The following PYGO1 variants were observed in gnomAD, a reference collection of about 807,000 sequenced individuals.
The protein encoded by PYGO1 is pygopus homolog 1.
In PYGO1, 6 loss-of-function variants were observed where a neutral mutation model predicts 29.5. That is an observed-to-expected ratio of 0.20 (90% CI 0.11 to 0.40). The LOEUF is 0.40. Ranked by LOEUF, PYGO1 falls within the 10% of genes least tolerant of loss-of-function variation. The probability of loss-of-function intolerance (pLI) is 1.00; values close to 1 mark genes in which losing one functional copy is unlikely to be tolerated. For missense variants in PYGO1, 515 were observed against 514.9 expected (o/e 1.00, Z 0.00); for synonymous variants, 186 against 180.5 (o/e 1.03, Z -0.24).
At chr15:55,554,522 T>C (rs571323902) in intron 1 of PYGO1, among the ~76,000 whole-genome samples, 3 of 148,552 alleles carry the variant, frequency 2.0e-5, no homozygotes, top group African/African-American at 7.4e-5. Flanking sequence ...GAGGCTGAGA[T>C]TGGCTGAACT....
Position 55,551,695 on chromosome 15 carries a change from T to G in PYGO1, c.50-2700A>C, listed in dbSNP as rs573286185. On this transcript the variant is annotated intron_variant, in intron 1 of 2. Coordinates refer to ENST00000563719, the MANE Select transcript of PYGO1 (RefSeq NM_001367806.1). ...GGTGGCACATGCCTGTGGTCCCAGC[T>G]ACTCAGGAGGCTGAGGTGGGAGGAT... 4.6e-5 allele frequency among the ~76,000 whole-genome samples: 7 copies of G among 152,022 alleles called. No homozygotes were observed. The East Asian group carries it at 1.4e-3, about 30-fold the overall frequency.
At chr15:55,558,618 CA>C (rs1285551721) in intron 1 of PYGO1, among the ~76,000 whole-genome samples, 9 of 152,000 alleles carry the variant, frequency 5.9e-5, no homozygotes, top group African/African-American at 2.2e-4. Context: ...CTACAGTAAG[CA>C]AAACAGCATG....
At position 55,545,103 on chromosome 15, in the gene PYGO1, T is replaced by C. The variant is rs2058843920; in HGVS notation, c.*920A>G. ...ATTTTTCAAACCACCACTGAGTAGT[T>C]CTTTTACTAGCAGAGCCCTCTAAGG... is the stretch of plus-strand genomic sequence containing the variant. On this transcript the variant is annotated 3_prime_UTR_variant, in exon 3 of 3. Transcript: ENST00000563719. 6.6e-6 allele frequency: 1 copy of C among 152,208 alleles called. No homozygotes were observed. Among genetic ancestry groups the C allele is most frequent in the African/African-American group, 2.4e-5 (1 of 41,456 alleles). The allele number at this position is 152,208 out of a possible 1,614,324, so 9.4% of individuals were successfully genotyped here.
intron 1 of PYGO1, among the ~76,000 whole-genome samples, chr15:55,571,157 T>C (rs575921541): frequency 6.6e-6 from 1 of 152,322 alleles, no homozygotes; most frequent in South Asian, 2.1e-4. Context: ...AAGCATAATG[T>C]CCTCAAGGTT....
upstream of PYGO1, chr15:55,588,655 C>A: frequency 3.0e-6 from 2 of 660,092 alleles, no homozygotes; most frequent in Non-Finnish European, 4.4e-6. Context: ...GGCGCTCCCT[C>A]GCCGACCGCC....
intron 1 of PYGO1, among the ~76,000 whole-genome samples, chr15:55,565,454 A>C (rs1286696856): frequency 6.6e-6 from 1 of 152,120 alleles, no homozygotes; most frequent in Non-Finnish European, 1.5e-5. Flanking sequence ...CTGTAATCCT[A>C]GCACTTTGGA....
intron 1 of PYGO1, among the ~76,000 whole-genome samples, chr15:55,575,389 T>C (rs1329203486): frequency 6.6e-6 from 1 of 152,214 alleles, no homozygotes; most frequent in Non-Finnish European, 1.5e-5. Flanking sequence ...ACTTTGCTTT[T>C]TAAGCTTTAT....
At chr15:55,553,017 C>A (rs193105247) in intron 1 of PYGO1, among the ~76,000 whole-genome samples, 6 of 152,312 alleles carry the variant, frequency 3.9e-5, no homozygotes, top group Admixed American at 3.9e-4. Context: ...GGAGGGGTGG[C>A]CGCCATCTCT....
At chr15:55,573,851 G>A (rs148201084) in intron 1 of PYGO1, among the ~76,000 whole-genome samples, 1 of 152,116 alleles carries the variant, frequency 6.6e-6, no homozygotes, top group Non-Finnish European at 1.5e-5. Context: ...AAGTAGGCTA[G>A]AGAAAAGATA....
At chr15:55,579,841 G>A (rs2059018572) in intron 1 of PYGO1, among the ~76,000 whole-genome samples, 1 of 152,184 alleles carries the variant, frequency 6.6e-6, no homozygotes, top group Non-Finnish European at 1.5e-5. Context: ...TCTGACGCTT[G>A]AAATCATTGA....
rs149883976 is a variant in PYGO1, at chr15:55,557,547, G to T, written c.50-8552C>A. Among the ~76,000 whole-genome samples, 181 of 152,232 alleles carry T rather than the reference G, an allele frequency of 1.2e-3. 3 individuals carry two copies. In the East Asian group the frequency reaches 0.032, roughly 27 times the overall value. ...CTGGCAGAGACACAACAAAAAAAGAGAATTTTAGACCAATCTCCCTGATGA... is the reference window on the plus strand; with the variant it reads ...CTGGCAGAGACACAACAAAAAAAGATAATTTTAGACCAATCTCCCTGATGA... On this transcript the variant is annotated intron_variant, in intron 1 of 2. Coordinates refer to ENST00000563719, the MANE Select transcript of PYGO1 (RefSeq NM_001367806.1).
rs1428677537 is a variant in PYGO1, at chr15:55,546,457, C to T, written c.826G>A (p.Val276Ile). Residue 276 changes from valine (V) to isoleucine (I), a missense_variant, in exon 3 of 3, where the codon GTT becomes ATT. By Grantham distance (29) the Val-to-Ile change is conservative (BLOSUM62 3). Coordinates refer to ENST00000563719, the MANE Select transcript of PYGO1 (RefSeq NM_001367806.1). ...TGATTTACTGCATTGTTTCGATTAACATTTTTTAATTCAATATTACTCTGA... is the reference window on the plus strand; with the variant it reads ...TGATTTACTGCATTGTTTCGATTAATATTTTTTAATTCAATATTACTCTGA... ...VNQSNIELKNVNRNNAVNQEN... is the reference protein window; with the variant it reads ...VNQSNIELKNINRNNAVNQEN... The T allele has an allele frequency of 1.2e-6, 2 of 1,614,132 alleles. No homozygotes were observed. The highest frequency in any genetic ancestry group is 1.7e-5 in the Admixed American group (1 of 60,004).
At chr15:55,563,845 T>C (rs2058943718) in intron 1 of PYGO1, among the ~76,000 whole-genome samples, 1 of 152,080 alleles carries the variant, frequency 6.6e-6, no homozygotes, top group Admixed American at 6.5e-5. Context: ...TTATAAAAAA[T>C]GCAAATTAAA....
At chr15:55,573,653 C>G (rs1428428369) in intron 1 of PYGO1, among the ~76,000 whole-genome samples, 1 of 152,102 alleles carries the variant, frequency 6.6e-6, no homozygotes, top group Admixed American at 6.6e-5. Context: ...ATAGTTGATT[C>G]TTGAACAATG....
chr15:55,550,093 T>C (rs1468435586), intron 1 of PYGO1, among the ~76,000 whole-genome samples: 1 of 152,212 alleles, frequency 6.6e-6, no homozygotes, highest in Non-Finnish European at 1.5e-5. Context: ...AATCCAATTA[T>C]CTCATAATAT....
chr15:55,562,086 A>T (rs1194248680), intron 1 of PYGO1, among the ~76,000 whole-genome samples: 1 of 152,226 alleles, frequency 6.6e-6, no homozygotes, highest in Non-Finnish European at 1.5e-5. Context: ...CAAACATGAA[A>T]AAAAGCTCAA....
At position 55,546,057 on chromosome 15, in the gene PYGO1, G is replaced by T. The variant is rs930090561; in HGVS notation, c.1226C>A (p.Thr409Asn). Residue 409 changes from threonine (T) to asparagine (N), a missense_variant, in exon 3 of 3, where the codon ACT (threonine) becomes AAT (asparagine). Physicochemically the swap from Thr to Asn is moderately conservative, Grantham distance 65. Coordinates refer to ENST00000563719, the MANE Select transcript of PYGO1 (RefSeq NM_001367806.1). ...KDVQLMRTRE[T>N]FGPSAVGSDA is the part of the protein sequence containing the mutation. ...ACTGCCCACTGCAGATGGACCAAAA[G>T]TTTCTCTAGTACGCATTAACTGGAC... The T allele has an allele frequency of 1.9e-6, 3 of 1,612,666 alleles. No homozygotes were observed. The African/African-American group carries it at 4.0e-5, about 22-fold the overall frequency.
At chr15:55,550,700 A>AT (rs1294163349) in intron 1 of PYGO1, among the ~76,000 whole-genome samples, 2 of 152,188 alleles carry the variant, frequency 1.3e-5, no homozygotes, top group African/African-American at 4.8e-5. Flanking sequence ...ACACCTGTTT[A>AT]ATTCCTTACA....
chr15:55,588,019 G>C lies in PYGO1; in HGVS notation c.-136C>G. 7.8e-7 allele frequency: 1 copy of C among 1,284,968 alleles called. No individual in the cohort carries two copies. The highest frequency in any genetic ancestry group is 9.9e-7 in the Non-Finnish European group (1 of 1,012,354). 79.6% of individuals were successfully genotyped at this position (1,284,968 alleles called of 1,614,324 possible). On this transcript the variant is annotated 5_prime_UTR_variant, in exon 1 of 3. Transcript: ENST00000563719. ...CGGAGCCGAGGCACGGCCGAGGGCG[G>C]TGGGGACGCGGGCCGACTTTGCAAA...
Sources: allele counts gnomAD v4.1 joint callset (sites outside exome capture counted in the v4.1 genomes callset), GRCh38; gene constraint gnomAD v4.1.1; transcripts MANE v1.5; gene names NCBI Gene and HGNC (gene_info 2026-07-23, HGNC 2026-07-21).